The following MRPS27 variants were observed in gnomAD, a reference collection of about 807,000 sequenced individuals.
MRPS27 encodes the protein mitochondrial ribosomal protein S27.
In MRPS27, 43 loss-of-function variants were observed where a neutral mutation model predicts 48.9. That is an observed-to-expected ratio of 0.88 (90% CI 0.69 to 1.13). The LOEUF (loss-of-function observed/expected upper bound fraction) is 1.13. Among genes scored for constraint, MRPS27 ranks in the 50% most tolerant of loss-of-function variants. The pLI is 0.00. For synonymous variants in MRPS27, 188 were observed against 171.9 expected (o/e 1.09, Z -0.73); for missense variants, 467 against 476.3 (o/e 0.98, Z 0.18).
intron 4 of MRPS27, among the ~76,000 whole-genome samples, chr5:72,283,418 T>C (rs1005887216): frequency 6.6e-6 from 1 of 152,218 alleles, no homozygotes; most frequent in Non-Finnish European, 1.5e-5. Context: ...AGAGATACAC[T>C]GGGCTAGCTG....
At chr5:72,262,261 G>A (rs1188959530) in intron 4 of MRPS27, among the ~76,000 whole-genome samples, 1 of 152,188 alleles carries the variant, frequency 6.6e-6, no homozygotes, top group Non-Finnish European at 1.5e-5. Context: ...TGAAAGGGCT[G>A]TGTGGGGACT....
intron 4 of MRPS27, chr5:72,241,527 C>A: frequency 1.0e-6 from 1 of 996,094 alleles, no homozygotes. Context: ...TTTTGGATGG[C>A]AAGTTTGAGA....
chr5:72,284,115 A>T (rs1749603097), intron 4 of MRPS27, among the ~76,000 whole-genome samples: 1 of 152,102 alleles, frequency 6.6e-6, no homozygotes, highest in African/African-American at 2.4e-5. Context: ...AGGATCTTTT[A>T]AAAAATATTT....
chr5:72,306,702 TTAA>T (rs1244998855), intron 2 of MRPS27, among the ~76,000 whole-genome samples: 1 of 152,212 alleles, frequency 6.6e-6, no homozygotes, highest in Non-Finnish European at 1.5e-5. Context: ...AATGGAATAT[TTAA>T]TATTACAGAA....
At chr5:72,282,613 A>C (rs1749559549) in intron 4 of MRPS27, among the ~76,000 whole-genome samples, 1 of 152,196 alleles carries the variant, frequency 6.6e-6, no homozygotes, top group East Asian at 1.9e-4. Context: ...TTAATTTACA[A>C]ATGGTTCTGT....
At chr5:72,223,584 T>C in intron 10 of MRPS27, 99 bp downstream of exon 10, 2 of 1,417,940 alleles carry the variant, frequency 1.4e-6, no homozygotes, top group South Asian at 1.3e-5. Context: ...TTAATGCCTC[T>C]TTGTGTGACA....
chr5:72,291,406 T>C (rs1419258864), intron 4 of MRPS27, among the ~76,000 whole-genome samples: 3 of 152,238 alleles, frequency 2.0e-5, no homozygotes, highest in Non-Finnish European at 4.4e-5. Context: ...ACCAATTATA[T>C]TGAAATACAA....
intron 4 of MRPS27, among the ~76,000 whole-genome samples, chr5:72,260,688 T>C (rs2112000496): frequency 6.6e-6 from 1 of 152,164 alleles, no homozygotes; most frequent in East Asian, 1.9e-4. Flanking sequence ...CATAATAAAA[T>C]ATGTATCAGG....
At chr5:72,290,922 A>G (rs1039562752) in intron 4 of MRPS27, among the ~76,000 whole-genome samples, 1 of 152,176 alleles carries the variant, frequency 6.6e-6, no homozygotes, top group Admixed American at 6.5e-5. Context: ...CTTTGCTGCT[A>G]CCACTGGGAA....
chr5:72,245,613 A>T lies in MRPS27; in HGVS notation c.282-7485T>A, dbSNP rs545104295. Among the ~76,000 whole-genome samples, 77 of 152,354 alleles carry T rather than the reference A, an allele frequency of 5.1e-4. 1 individual carries two copies. The highest frequency in any genetic ancestry group is 8.5e-4 in the Non-Finnish European group (58 of 68,034). On this transcript the variant is annotated intron_variant, in intron 4 of 10. Transcript: ENST00000261413. ...AAGGAGGAAAACAAAGGAATAGAATAGAAATAAAAACCAGAATTTCTGGAG... is the reference window on the plus strand; with the variant it reads ...AAGGAGGAAAACAAAGGAATAGAATTGAAATAAAAACCAGAATTTCTGGAG...
At chr5:72,320,000 C>T (rs879131496) in intron 1 of MRPS27, 149 bp downstream of exon 1, 22 of 739,242 alleles carry the variant, frequency 3.0e-5, no homozygotes, top group Non-Finnish European at 4.6e-5. Flanking sequence ...GATCAGATAC[C>T]TTGTCTCCTT....
chr5:72,296,968 A>G (rs956690128), intron 3 of MRPS27, among the ~76,000 whole-genome samples: 14 of 152,182 alleles, frequency 9.2e-5, no homozygotes, highest in Admixed American at 7.2e-4. Flanking sequence ...ACAAGCCCAG[A>G]TATATTTGAA....
chr5:72,230,044 C>T (rs986495367), intron 7 of MRPS27, among the ~76,000 whole-genome samples: 1 of 152,084 alleles, frequency 6.6e-6, no homozygotes, highest in South Asian at 2.1e-4. Context: ...TGCCACCATG[C>T]CTGGTTAATA....
At chr5:72,296,164 C>T (rs1690918271) in intron 3 of MRPS27, among the ~76,000 whole-genome samples, 1 of 151,768 alleles carries the variant, frequency 6.6e-6, no homozygotes, top group Non-Finnish European at 1.5e-5. Context: ...TAACTATGGT[C>T]CAAATAAACA....
chr5:72,226,890 T>A (rs1747915288), intron 8 of MRPS27, among the ~76,000 whole-genome samples: 1 of 152,184 alleles, frequency 6.6e-6, no homozygotes, highest in African/African-American at 2.4e-5. Context: ...GCTGTCTGTA[T>A]TCCTGTGGCA....
intron 4 of MRPS27, among the ~76,000 whole-genome samples, chr5:72,247,002 A>G (rs1373812759): frequency 1.3e-5 from 2 of 152,234 alleles, no homozygotes; most frequent in Non-Finnish European, 2.9e-5. Context: ...ACAGTTCTGG[A>G]ATTGCCCTGA....
chr5:72,252,969 A>G (rs918124939), intron 4 of MRPS27, among the ~76,000 whole-genome samples: 1 of 152,176 alleles, frequency 6.6e-6, no homozygotes, highest in Non-Finnish European at 1.5e-5. Flanking sequence ...CTCTCTCCAG[A>G]AAGAAAACAA....
chr5:72,282,216 C>T (rs143412121), intron 4 of MRPS27, among the ~76,000 whole-genome samples: 4 of 152,290 alleles, frequency 2.6e-5, no homozygotes, highest in Admixed American at 6.5e-5. Context: ...TGGAAATACT[C>T]AGGAATTTAT....
chr5:72,317,568 G>C lies in MRPS27; in HGVS notation c.73+2581C>G, dbSNP rs1020028091. Among the ~76,000 whole-genome samples, 3 of 152,234 alleles carry C rather than the reference G, an allele frequency of 2.0e-5. 1 individual carries two copies. In the South Asian group the frequency reaches 6.2e-4, roughly 32 times the overall value. On this transcript the variant is annotated intron_variant, in intron 1 of 10. Coordinates refer to ENST00000261413, the MANE Select transcript of MRPS27 (RefSeq NM_015084.3). ...TAATTTTGTATTTTTAATAGAGACA[G>C]GGTTTCTCCATGTTGGCCAGGCTGG...
Sources: gnomAD v4.1 joint callset for allele counts (sites outside exome capture counted in the v4.1 genomes callset) on GRCh38, gnomAD v4.1.1 for gene constraint, MANE v1.5 for transcripts, NCBI Gene and HGNC (gene_info 2026-07-23, HGNC 2026-07-21) for gene names.